FGD6: variants seen among roughly 807,000 people sequenced by gnomAD.
FGD6 encodes the protein FYVE, RhoGEF and PH domain containing 6.
A neutral mutation model predicts 149.4 loss-of-function variants in FGD6; 90 were observed. The ratio of observed to expected loss-of-function variants is 0.60; its 90% CI spans 0.51 to 0.72. The LOEUF (loss-of-function observed/expected upper bound fraction) is 0.72. Among genes scored for constraint, FGD6 ranks in the 30% least tolerant of loss-of-function variants. The pLI, the probability that FGD6 is intolerant of heterozygous loss-of-function variation, is 0.00. For missense variants in FGD6, 1,437 were observed against 1,684.8 expected (o/e 0.85, Z 2.57); for synonymous variants, 527 against 584.0 (o/e 0.90, Z 1.41).
chr12:95,086,525 A>ATT (rs144016507), intron 18 of FGD6, among the ~76,000 whole-genome samples: 2 of 125,110 alleles, frequency 1.6e-5, no homozygotes, highest in Non-Finnish European at 3.4e-5. Flanking sequence ...TTACTGATTG[A>ATT]TTTTTTTTTT....
rs143895489 is a variant in FGD6 at position 95,143,930 on chromosome 12, C to A, written c.2686-2391G>T. Among the ~76,000 whole-genome samples the A allele has an allele frequency of 2.6e-5, 4 of 152,222 alleles. 1 individual carries two copies. The East Asian group carries it at 7.7e-4, about 29-fold the overall frequency. On this transcript the variant is annotated intron_variant, in intron 5 of 20. Coordinates refer to ENST00000343958, the MANE Select transcript of FGD6 (RefSeq NM_018351.4). ...TTTCTTCTGGTGGAGTAAGTAATGG[C>A]TATATTTGTCTCCTGGCAGCAGGAT...
In FGD6 at chr12:95,081,528, T is replaced by C. The variant is rs775802779; in HGVS notation, c.4285A>G (p.Ile1429Val). The C allele has an allele frequency of 3.7e-5, 60 of 1,605,374 alleles. No individual in the cohort carries two copies. Among genetic ancestry groups the C allele is most frequent in the Non-Finnish European group, 4.9e-5 (58 of 1,176,182 alleles). The change falls in exon 21 of 21, where the codon ATA becomes GTA. Residue 1429 changes from isoleucine to valine, a missense_variant. By Grantham distance (29) the Ile-to-Val change is conservative. Coordinates refer to ENST00000343958, the MANE Select transcript of FGD6 (RefSeq NM_018351.4). Reference sequence around the variant, plus strand: ...AGATGAAACCAATACTGCTACAATATTGTGCCTTCCTGAAATGCTTCTATC... The same window carrying C: ...AGATGAAACCAATACTGCTACAATACTGTGCCTTCCTGAAATGCTTCTATC... ...KWIEAFQEGTIL is the reference protein window; with the variant it reads ...KWIEAFQEGTVL
Position 95,209,715 on chromosome 12 carries a change from A to T in FGD6, c.1569T>A (p.Ser523=). The change falls in exon 2 of 21, where the codon TCT becomes TCA. Residue 523 remains serine, a synonymous_variant. Coordinates refer to ENST00000343958, the MANE Select transcript of FGD6 (RefSeq NM_018351.4). ...AACTTTTTTCTTCACTTGAAGGATA[A>T]GAACTTTTTTCCAAAAGCTCCTCGG... ...AASEELLEKS[S]YPSSEEKSSE... is the part of the protein sequence containing the mutation. 1.2e-6 allele frequency: 2 copies of T among 1,614,116 alleles called. No homozygotes were observed. The highest frequency in any genetic ancestry group is 1.7e-6 in the Non-Finnish European group (2 of 1,179,998).
At chr12:95,214,431 A>T (rs1198222096) in intron 1 of FGD6, among the ~76,000 whole-genome samples, 2 of 151,448 alleles carry the variant, frequency 1.3e-5, no homozygotes, top group African/African-American at 2.4e-5. Flanking sequence ...ATCCTTCATT[A>T]TTTTTTTTTC....
chr12:95,208,708 C>T lies in FGD6; in HGVS notation c.2441+135G>A. The T allele has an allele frequency of 2.8e-6, 3 of 1,078,962 alleles. No individual in the cohort carries two copies. In the South Asian group the frequency reaches 5.1e-5, roughly 18 times the overall value. 66.8% of individuals were successfully genotyped at this position (1,078,962 alleles called of 1,614,324 possible). On this transcript the variant is annotated intron_variant, in intron 2 of 20. Coordinates refer to ENST00000343958, the MANE Select transcript of FGD6 (RefSeq NM_018351.4). ...AACTGTATGCTAAAAGGAGGCTGCA[C>T]TTGAGAATAATTACACATTTTCTAA...
chr12:95,098,589 C>G (rs548265900), intron 14 of FGD6, among the ~76,000 whole-genome samples: 8 of 152,284 alleles, frequency 5.3e-5, no homozygotes, highest in Non-Finnish European at 1.2e-4. Context: ...GACCTTTGTA[C>G]ACAGTGCTCC....
At position 95,142,583 on chromosome 12, in the gene FGD6, A is replaced by G. The variant is rs1328499387; in HGVS notation, c.2686-1044T>C. Among the ~76,000 whole-genome samples, 3 of 152,236 alleles carry G rather than the reference A, an allele frequency of 2.0e-5. No individual in the cohort carries two copies. In the East Asian group the frequency reaches 5.8e-4, roughly 29 times the overall value. ...ATGAGCCACCGTGCCTGGCAGGCAC[A>G]TGCTTGATAATCAGAATCCTGGATC... On this transcript the variant is annotated intron_variant, in intron 5 of 20. Coordinates refer to ENST00000343958, the MANE Select transcript of FGD6 (RefSeq NM_018351.4).
chr12:95,152,717 A>C, intron 5 of FGD6, 94 bp downstream of exon 5: 1 of 1,096,090 alleles, frequency 9.1e-7, no homozygotes, highest in South Asian at 1.4e-5. Flanking sequence ...GAAAATGTCT[A>C]TCATTAAGTT....
chr12:95,140,922 G>T (rs1164557224), intron 6 of FGD6, among the ~76,000 whole-genome samples: 1 of 151,816 alleles, frequency 6.6e-6, no homozygotes, highest in Non-Finnish European at 1.5e-5. Flanking sequence ...TGAATTTTGG[G>T]CCATTGAAAA....
At chr12:95,120,989 C>T (rs984245132) in intron 8 of FGD6, among the ~76,000 whole-genome samples, 5 of 151,852 alleles carry the variant, frequency 3.3e-5, no homozygotes, top group African/African-American at 1.2e-4. Flanking sequence ...AGTATTTGTG[C>T]TGAAATGAAA....
intron 2 of FGD6, among the ~76,000 whole-genome samples, chr12:95,208,365 G>A (rs2056703686): frequency 6.6e-6 from 1 of 152,106 alleles, no homozygotes; most frequent in South Asian, 2.1e-4. Flanking sequence ...GCCATCAACA[G>A]GTAAAATGAC....
At position 95,211,174 on chromosome 12, in the gene FGD6, A is replaced by G. The variant is rs777871286; in HGVS notation, c.110T>C (p.Val37Ala). 1.5e-5 allele frequency: 25 copies of G among 1,614,120 alleles called. No individual in the cohort carries two copies. The highest frequency in any genetic ancestry group is 8.3e-5 in the Admixed American group (5 of 60,014). The change falls in exon 2 of 21, where the codon GTG (valine) becomes GCG (alanine). Residue 37 changes from valine to alanine, a missense_variant. By Grantham distance (64) the Val-to-Ala change is moderately conservative (BLOSUM62 0). Transcript: ENST00000343958. The stretch of plus-strand genomic sequence containing the variant: ...TGTCGACTGTGGAACACTAGAAATC[A>G]CAATGTCGGGTTTAGGTGCAATAGG... ...PPPIAPKPDI[V>A]ISSVPQSTKK... is the part of the protein sequence containing the mutation.
At chr12:95,185,148 A>G (rs1000009785) in intron 2 of FGD6, among the ~76,000 whole-genome samples, 1 of 152,216 alleles carries the variant, frequency 6.6e-6, no homozygotes, top group Non-Finnish European at 1.5e-5. Context: ...TGCTGGGATT[A>G]TAGGTGTGAG....
intron 2 of FGD6, among the ~76,000 whole-genome samples, chr12:95,187,405 G>A (rs554657066): frequency 2.0e-5 from 3 of 146,714 alleles, no homozygotes; most frequent in Non-Finnish European, 4.5e-5. Flanking sequence ...TTGGGAGGCC[G>A]AGGCGGGCAG....
At chr12:95,123,648 G>A (rs962592534) in intron 8 of FGD6, among the ~76,000 whole-genome samples, 39 of 150,528 alleles carry the variant, frequency 2.6e-4, no homozygotes, top group Non-Finnish European at 4.4e-4. Context: ...TGCAAGCTCC[G>A]CCTCCTGGGT....
At chr12:95,167,220 G>C (rs1276710210) in intron 3 of FGD6, among the ~76,000 whole-genome samples, 8 of 152,114 alleles carry the variant, frequency 5.3e-5, no homozygotes, top group Admixed American at 5.2e-4. Context: ...TTTTTGTGTG[G>C]ACATATGCTT....
chr12:95,156,636 G>A (rs1880480570), intron 3 of FGD6, among the ~76,000 whole-genome samples: 1 of 152,118 alleles, frequency 6.6e-6, no homozygotes. Flanking sequence ...TGTGAAGCAT[G>A]TGATCTCTGT....
chr12:95,177,412 G>A (rs943787294), intron 2 of FGD6, among the ~76,000 whole-genome samples: 16 of 152,282 alleles, frequency 1.1e-4, no homozygotes, highest in African/African-American at 3.6e-4. Flanking sequence ...CTTTACCAAG[G>A]AATGTTTCAT....
At chr12:95,120,496 G>A (rs955842481) in intron 8 of FGD6, among the ~76,000 whole-genome samples, 1 of 151,830 alleles carries the variant, frequency 6.6e-6, no homozygotes, top group African/African-American at 2.4e-5. Context: ...AGACCAGCCT[G>A]GCCAACATAG....
Sources: gnomAD v4.1 joint callset for allele counts (sites outside exome capture counted in the v4.1 genomes callset) on GRCh38, gnomAD v4.1.1 for gene constraint, MANE v1.5 for transcripts, NCBI Gene and HGNC (gene_info 2026-07-23, HGNC 2026-07-21) for gene names.